Variants in SLC9A9 observed in about 807,000 individuals in gnomAD.
SLC9A9 encodes the protein sodium/hydrogen exchanger 9.
SLC9A9 carries 62 observed loss-of-function variants against 77.8 expected under a neutral mutation model. That is an observed-to-expected ratio of 0.80 (90% CI 0.65 to 0.98). The LOEUF (loss-of-function observed/expected upper bound fraction) is 0.98. Among genes scored for constraint, SLC9A9 ranks in the 50% least tolerant of loss-of-function variants. The probability of loss-of-function intolerance (pLI) is 0.00; values close to 1 mark genes in which losing one functional copy is unlikely to be tolerated. For missense variants in SLC9A9, 775 were observed against 774.9 expected (o/e 1.00, Z 0.00); for synonymous variants, 320 against 283.5 (o/e 1.13, Z -1.29).
chr3:143,500,914 T>C (rs2035912902), intron 9 of SLC9A9, among the ~76,000 whole-genome samples: 1 of 150,328 alleles, frequency 6.7e-6, no homozygotes, highest in Non-Finnish European at 1.5e-5. Context: ...TTATAATATT[T>C]GGGAAAAAAG....
intron 12 of SLC9A9, among the ~76,000 whole-genome samples, chr3:143,444,853 C>T (rs1045209300): frequency 1.3e-5 from 2 of 152,188 alleles, no homozygotes; most frequent in African/African-American, 4.8e-5. Flanking sequence ...GGCATATTTC[C>T]CTTTGGCTGT....
intron 14 of SLC9A9, among the ~76,000 whole-genome samples, chr3:143,301,986 T>C (rs1442619114): frequency 6.6e-6 from 1 of 152,194 alleles, no homozygotes; most frequent in Non-Finnish European, 1.5e-5. Context: ...GAATCCTCAT[T>C]ATCTCAACTT....
At chr3:143,780,872 A>G (rs778372662) in intron 4 of SLC9A9, among the ~76,000 whole-genome samples, 4 of 152,226 alleles carry the variant, frequency 2.6e-5, no homozygotes, top group Admixed American at 2.6e-4. Flanking sequence ...TGTCAAAGAA[A>G]GAAATTGTGT....
chr3:143,831,298 T>G (rs1331973425), intron 2 of SLC9A9, among the ~76,000 whole-genome samples: 1 of 152,156 alleles, frequency 6.6e-6, no homozygotes, highest in Non-Finnish European at 1.5e-5. Context: ...CAAAGACTGA[T>G]CCAGGGTTTA....
At chr3:143,321,012 C>T (rs2031400411) in intron 14 of SLC9A9, among the ~76,000 whole-genome samples, 2 of 152,152 alleles carry the variant, frequency 1.3e-5, no homozygotes, top group Non-Finnish European at 2.9e-5. Flanking sequence ...TGCCAGCAAT[C>T]GTCACAGGCT....
intron 1 of SLC9A9, among the ~76,000 whole-genome samples, chr3:143,837,928 C>G (rs2009610228): frequency 6.6e-6 from 1 of 152,204 alleles, no homozygotes; most frequent in South Asian, 2.1e-4. Flanking sequence ...GAAGTCAGCA[C>G]TGAAGGTAGC....
In SLC9A9 at chr3:143,266,520, A is replaced by AG; in HGVS notation, c.*181dup. The AG allele has an allele frequency of 1.5e-6, 1 of 664,720 alleles. No individual in the cohort carries two copies. 41.2% of individuals were successfully genotyped at this position (664,720 alleles called of 1,614,324 possible). A position where few individuals can be genotyped will look rare whatever the true frequency, so the allele number is the denominator to read the frequency against. ...AACTAAATTCATTTGCATAATAGAGAGGGATAATAAAATCTCATTTCTTCA... is the reference window on the plus strand; with the variant it reads ...AACTAAATTCATTTGCATAATAGAGAGGGGATAATAAAATCTCATTTCTTCA... On this transcript the variant is annotated 3_prime_UTR_variant, in exon 16 of 16. Transcript: ENST00000316549.
At chr3:143,749,093 A>G (rs1935273666) in intron 4 of SLC9A9, among the ~76,000 whole-genome samples, 1 of 152,184 alleles carries the variant, frequency 6.6e-6, no homozygotes. Flanking sequence ...GCAAATATAG[A>G]CTAGTGAAGA....
rs187949862 is a variant in SLC9A9 at position 143,635,396 on chromosome 3, A to T, written c.755+16859T>A. Among the ~76,000 whole-genome samples, 530 of 152,248 alleles carry T rather than the reference A, an allele frequency of 3.5e-3. 2 individuals are homozygous for T. The highest frequency in any genetic ancestry group is 0.012 in the African/African-American group (503 of 41,548). ...GGGCATAGACCCATTTCTGGATAGG[A>T]GTGTCAATGAATTTGGGGGCTATGT... On this transcript the variant is annotated intron_variant, in intron 6 of 15. Coordinates refer to ENST00000316549, the MANE Select transcript of SLC9A9 (RefSeq NM_173653.4).
chr3:143,357,369 C>T (rs911030674), intron 14 of SLC9A9, among the ~76,000 whole-genome samples: 1 of 152,114 alleles, frequency 6.6e-6, no homozygotes, highest in Non-Finnish European at 1.5e-5. Context: ...ACCATGCCTA[C>T]CCTCAGTACC....
Position 143,652,301 on chromosome 3 carries a change from A to G in SLC9A9, c.709T>C (p.Phe237Leu). The change falls in exon 6 of 16, where the codon TTT becomes CTT. Residue 237 changes from phenylalanine to leucine, a missense_variant. By Grantham distance (22) the Phe-to-Leu change is conservative. Transcript: ENST00000316549. ...GCATCATTCAACACACTCTCTCCAA[A>G]CAAGAGTGTGTACAGGTCAGGGTCG... ...HVDPDLYTLL[F>L]GESVLNDAVA... 1 of 1,613,458 alleles carries G rather than the reference A, an allele frequency of 6.2e-7. No homozygotes were observed.
intron 9 of SLC9A9, among the ~76,000 whole-genome samples, chr3:143,545,274 T>C (rs2036767705): frequency 6.6e-6 from 1 of 152,226 alleles, no homozygotes; most frequent in Non-Finnish European, 1.5e-5. Flanking sequence ...AACCAGCTTC[T>C]CATGAAAACC....
At chr3:143,556,105 G>T (rs1366661605) in intron 8 of SLC9A9, among the ~76,000 whole-genome samples, 3 of 152,128 alleles carry the variant, frequency 2.0e-5, no homozygotes, top group African/African-American at 7.2e-5. Flanking sequence ...ATTCAAAGTT[G>T]ACTGTTTTCT....
chr3:143,705,795 T>C (rs1349822479), intron 4 of SLC9A9, among the ~76,000 whole-genome samples: 1 of 152,110 alleles, frequency 6.6e-6, no homozygotes, highest in African/African-American at 2.4e-5. Flanking sequence ...CACATTCAGA[T>C]TTAGAAATGT....
intron 14 of SLC9A9, among the ~76,000 whole-genome samples, chr3:143,318,139 CTTT>C (rs1249159001): frequency 1.3e-5 from 2 of 152,178 alleles, no homozygotes; most frequent in African/African-American, 4.8e-5. Flanking sequence ...TTGATGTAGT[CTTT>C]TTATTTTTAC....
intron 6 of SLC9A9, among the ~76,000 whole-genome samples, chr3:143,597,288 G>C (rs2037770599): frequency 6.6e-6 from 1 of 152,164 alleles, no homozygotes; most frequent in Non-Finnish European, 1.5e-5. Flanking sequence ...TAGCTCTTGG[G>C]GGGCTCGGCT....
At chr3:143,815,920 T>C (rs1475931333) in intron 2 of SLC9A9, among the ~76,000 whole-genome samples, 1 of 152,074 alleles carries the variant, frequency 6.6e-6, no homozygotes, top group Non-Finnish European at 1.5e-5. Flanking sequence ...TGACCTAATA[T>C]AATCCTCCAG....
intron 9 of SLC9A9, among the ~76,000 whole-genome samples, chr3:143,500,624 C>T (rs183330587): frequency 6.0e-4 from 92 of 152,202 alleles, no homozygotes; most frequent in Non-Finnish European, 1.1e-3. Context: ...GCTGTCCTGA[C>T]GTCTGCAGTC....
chr3:143,713,962 A>C (rs1054182593), intron 4 of SLC9A9, among the ~76,000 whole-genome samples: 32 of 152,218 alleles, frequency 2.1e-4, no homozygotes, highest in African/African-American at 7.7e-4. Flanking sequence ...AAAATCTGGC[A>C]CTGGATACTG....
Sources: gnomAD v4.1 joint callset for allele counts (sites outside exome capture counted in the v4.1 genomes callset) on GRCh38, gnomAD v4.1.1 for gene constraint, MANE v1.5 for transcripts, NCBI Gene and HGNC (gene_info 2026-07-23, HGNC 2026-07-21) for gene names.